The following SLC22A25 variants were observed in gnomAD, a reference collection of about 807,000 sequenced individuals.
SLC22A25 encodes MGI:2442751, MGI:2385316, MGI:3042283, MGI:3645714, MGI:3605624, MGI:2442750.
A neutral mutation model predicts 45.9 loss-of-function variants in SLC22A25; 44 were observed. That is an observed-to-expected ratio of 0.96 (90% CI 0.75 to 1.23). The LOEUF (loss-of-function observed/expected upper bound fraction) is 1.23, where lower values mean the gene tolerates loss of function less well. Ranked by LOEUF, SLC22A25 falls within the 50% of genes most tolerant of loss-of-function variation. SLC22A25 has a pLI of 0.00. For synonymous variants in SLC22A25, 283 were observed against 238.6 expected (o/e 1.19, Z -1.72); for missense variants, 800 against 666.4 (o/e 1.20, Z -2.21).
intron 9 of SLC22A25, among the ~76,000 whole-genome samples, chr11:63,179,612 C>T (rs567995327): frequency 2.0e-5 from 3 of 152,218 alleles, no homozygotes; most frequent in African/African-American, 7.2e-5. Context: ...ACCCAGCTGT[C>T]TTTGTTCTCA....
chr11:63,221,430 T>C (rs935590045), intron 5 of SLC22A25, among the ~76,000 whole-genome samples: 4 of 152,174 alleles, frequency 2.6e-5, no homozygotes, highest in Admixed American at 2.0e-4. Flanking sequence ...TGTCTTCTTT[T>C]GAGAAATGTC....
rs1369812679 is a variant in SLC22A25 at position 63,159,395 on chromosome 11, G to A, written c.*4429C>T. 2.6e-5 allele frequency among the ~76,000 whole-genome samples: 4 copies of A among 152,048 alleles called. No homozygotes were observed. Among genetic ancestry groups the A allele is most frequent in the Admixed American group, 6.6e-5 (1 of 15,250 alleles). On this transcript the variant is annotated 3_prime_UTR_variant, in exon 12 of 12. Transcript: ENST00000306494. ...TGAATCATGGGGCCAGGTCTTTCCC[G>A]TGCTATTCTTGTGATACTGAATAAG... is the stretch of plus-strand genomic sequence containing the variant.
At chr11:63,193,675 T>C (rs1406745676) in intron 7 of SLC22A25, among the ~76,000 whole-genome samples, 4 of 152,114 alleles carry the variant, frequency 2.6e-5, no homozygotes, top group African/African-American at 9.7e-5. Context: ...TCATCAAAGA[T>C]CAAAGGTAGA....
In SLC22A25 at chr11:63,158,763, A is replaced by G. The variant is rs1191162032; in HGVS notation, c.*5061T>C. On this transcript the variant is annotated 3_prime_UTR_variant, in exon 12 of 12. Coordinates refer to ENST00000306494, the MANE Select transcript of SLC22A25 (RefSeq NM_199352.6). ...CTTTGTGATTACAAACAATCCAATT[A>G]TACTTTTTTAGTTATTTAAAAATGA... is the stretch of plus-strand genomic sequence containing the variant. 6.6e-6 allele frequency among the ~76,000 whole-genome samples: 1 copy of G among 152,196 alleles called. No homozygotes were observed. The highest frequency in any genetic ancestry group is 1.5e-5 in the Non-Finnish European group (1 of 68,036).
intron 5 of SLC22A25, chr11:63,217,948 T>C: frequency 1.5e-6 from 1 of 657,664 alleles, no homozygotes; most frequent in Non-Finnish European, 2.7e-6. Context: ...AAGTTTCTTC[T>C]CCAATCTGTT....
intron 3 of SLC22A25, among the ~76,000 whole-genome samples, chr11:63,230,464 A>G (rs2134843615): frequency 6.6e-6 from 1 of 152,346 alleles, no homozygotes; most frequent in South Asian, 2.1e-4. Flanking sequence ...TGAGTAAGAT[A>G]GAGTACATAA....
chr11:63,214,366 T>C (rs2089656857), intron 7 of SLC22A25, among the ~76,000 whole-genome samples: 1 of 152,182 alleles, frequency 6.6e-6, no homozygotes, highest in Non-Finnish European at 1.5e-5. Context: ...CTATTAACAC[T>C]TTTGTTATAA....
intron 7 of SLC22A25, among the ~76,000 whole-genome samples, chr11:63,198,268 T>C (rs1403898862): frequency 6.6e-6 from 1 of 152,200 alleles, no homozygotes; most frequent in Non-Finnish European, 1.5e-5. Flanking sequence ...TAAAGACACA[T>C]GCACACATAT....
intron 1 of SLC22A25, among the ~76,000 whole-genome samples, chr11:63,240,185 TAAAAATA>T (rs1157290666): frequency 6.6e-6 from 1 of 151,940 alleles, no homozygotes; most frequent in Non-Finnish European, 1.5e-5. Context: ...AAAGTTAGAG[TAAAAATA>T]AAAGATAAAA....
At chr11:63,223,996 T>C (rs1211376139) in intron 5 of SLC22A25, among the ~76,000 whole-genome samples, 1 of 152,100 alleles carries the variant, frequency 6.6e-6, no homozygotes, top group Non-Finnish European at 1.5e-5. Context: ...TCAGGTTAAG[T>C]CCAATGTTTC....
chr11:63,218,785 A>T (rs1010638548), intron 5 of SLC22A25, among the ~76,000 whole-genome samples: 9 of 152,242 alleles, frequency 5.9e-5, no homozygotes, highest in African/African-American at 1.9e-4. Flanking sequence ...TCTGGGAAAG[A>T]GGACCTCTCT....
At chr11:63,168,537 C>T (rs2087764901) in intron 9 of SLC22A25, among the ~76,000 whole-genome samples, 1 of 151,942 alleles carries the variant, frequency 6.6e-6, no homozygotes, top group African/African-American at 2.4e-5. Flanking sequence ...GTATCAATAG[C>T]TGAATCAATC....
chr11:63,203,374 T>G (rs1285252769), intron 7 of SLC22A25, among the ~76,000 whole-genome samples: 1 of 151,912 alleles, frequency 6.6e-6, no homozygotes, highest in African/African-American at 2.4e-5. Context: ...TAAAGGAGCA[T>G]GTTCTAACCC....
Position 63,160,952 on chromosome 11 carries a change from G to A in SLC22A25, c.*2872C>T, listed in dbSNP as rs1299031511. Among the ~76,000 whole-genome samples, 1 of 152,160 alleles carries A rather than the reference G, an allele frequency of 6.6e-6. No individual in the cohort carries two copies. Among genetic ancestry groups the A allele is most frequent in the Non-Finnish European group, 1.5e-5 (1 of 68,022 alleles). ...TGGAGGTTCCTCAAAAAAATTAAAA[G>A]TAAAGCTAACATTTGACCCAACAGT... On this transcript the variant is annotated 3_prime_UTR_variant, in exon 12 of 12. Coordinates refer to ENST00000306494, the MANE Select transcript of SLC22A25 (RefSeq NM_199352.6).
intron 5 of SLC22A25, among the ~76,000 whole-genome samples, chr11:63,221,521 TG>T (rs1482208561): frequency 6.6e-6 from 1 of 152,194 alleles, no homozygotes; most frequent in Non-Finnish European, 1.5e-5. Flanking sequence ...TTATATATTC[TG>T]GTTATTAATC....
At chr11:63,234,690 C>T (rs1007500827) in intron 3 of SLC22A25, among the ~76,000 whole-genome samples, 4 of 152,250 alleles carry the variant, frequency 2.6e-5, no homozygotes, top group African/African-American at 9.6e-5. Context: ...ATGATGTTAG[C>T]TGGTTATTTT....
At chr11:63,189,222 G>A (rs1443307487) in intron 7 of SLC22A25, among the ~76,000 whole-genome samples, 2 of 152,076 alleles carry the variant, frequency 1.3e-5, no homozygotes, top group East Asian at 1.9e-4. Flanking sequence ...TATGAATCTG[G>A]GTACTCCTGT....
chr11:63,184,421 A>G (rs1160810271), intron 7 of SLC22A25, among the ~76,000 whole-genome samples: 1 of 152,254 alleles, frequency 6.6e-6, no homozygotes, highest in Admixed American at 6.6e-5. Context: ...TTCTCTCTGT[A>G]TTAAATCTGT....
At chr11:63,203,205 A>G (rs1174991027) in intron 7 of SLC22A25, among the ~76,000 whole-genome samples, 1 of 152,116 alleles carries the variant, frequency 6.6e-6, no homozygotes, top group African/African-American at 2.4e-5. Context: ...ATGAAGAAAA[A>G]CCAGTGCAAA....
Sources: allele counts gnomAD v4.1 joint callset (sites outside exome capture counted in the v4.1 genomes callset), GRCh38; gene constraint gnomAD v4.1.1; transcripts MANE v1.5; gene names NCBI Gene and HGNC (gene_info 2026-07-23, HGNC 2026-07-21).